Variants in FREM1 observed in about 807,000 individuals in gnomAD.
FREM1 encodes the protein FRAS1-related extracellular matrix protein 1.
FREM1 carries 220 observed loss-of-function variants against 210.1 expected under a neutral mutation model. The ratio of observed to expected loss-of-function variants is 1.05; its 90% CI spans 0.94 to 1.17. The LOEUF (loss-of-function observed/expected upper bound fraction) is 1.17. FREM1 is among the 50% of genes most tolerant of loss of function. The pLI, the probability that FREM1 is intolerant of heterozygous loss-of-function variation, is 0.00. For missense variants in FREM1, 3,454 were observed against 2,675.5 expected (o/e 1.29, Z -6.42); for synonymous variants, 1,189 against 980.2 (o/e 1.21, Z -3.98).
intron 1 of FREM1, among the ~76,000 whole-genome samples, chr9:14,905,945 G>A (rs969313563): frequency 6.6e-6 from 1 of 152,104 alleles, no homozygotes; most frequent in Non-Finnish European, 1.5e-5. Context: ...CTGCTGATCA[G>A]AGTTAAAGGC....
chr9:14,747,112 T>A (rs1476258207), intron 33 of FREM1, 61 bp from the exon 34 acceptor site: 9 of 1,607,174 alleles, frequency 5.6e-6, no homozygotes, highest in Non-Finnish European at 7.7e-6. Flanking sequence ...TGCTCACACA[T>A]TCACCTCCTT....
intron 1 of FREM1, among the ~76,000 whole-genome samples, chr9:14,898,591 A>T (rs1243713500): frequency 6.6e-6 from 1 of 152,114 alleles, no homozygotes; most frequent in Non-Finnish European, 1.5e-5. Flanking sequence ...AAAATACAAA[A>T]ATCAGCCAGG....
chr9:14,759,851 A>C lies in FREM1; in HGVS notation c.5255T>G (p.Val1752Gly), dbSNP rs775252382. The C allele has an allele frequency of 6.2e-7, 1 of 1,612,618 alleles. No homozygotes were observed. The highest frequency in any genetic ancestry group is 8.5e-7 in the Non-Finnish European group (1 of 1,178,924). Residue 1752 changes from valine to glycine, a missense_variant, in exon 28 of 37, where the codon GTC becomes GGC. Transcript: ENST00000380880. ...GGGCAACAAACCCACATTCTCACAG[A>C]CTTCATATTCGGTCTGTGACCATTC... ...HIEWSQTEYE[V>G]CENVGLLPLE... is the part of the protein sequence containing the mutation.
At chr9:14,779,487 A>G (rs1363051822) in intron 24 of FREM1, 10 of 985,374 alleles carry the variant, frequency 1.0e-5, no homozygotes, top group Non-Finnish European at 1.2e-5. Context: ...ACTCCATCAG[A>G]GGCGGCCATC....
chr9:14,851,188 A>G (rs976830742), intron 6 of FREM1, 96 bp downstream of exon 6: 12 of 852,754 alleles, frequency 1.4e-5, no homozygotes, highest in Non-Finnish European at 2.2e-5. Flanking sequence ...TTCTGAGGCA[A>G]TGAATGTACA....
Position 14,846,039 on chromosome 9 carries a change from C to T in FREM1, c.1314G>A (p.Gln438=). The change falls in exon 8 of 37, where the codon CAG becomes CAA. Residue 438 remains glutamine (Q), a synonymous_variant. Transcript: ENST00000380880. ...CACCAATGTCGTCATTGTCGACAAC[C>T]TGAAACTGTTCCCAAGTGATGGCTC... ...QSRAITWEQF[Q]VVDNDDIGAV... is the part of the protein sequence containing the mutation. The T allele has an allele frequency of 6.2e-7, 1 of 1,606,616 alleles. No individual in the cohort carries two copies. Among genetic ancestry groups the T allele is most frequent in the Non-Finnish European group, 8.5e-7 (1 of 1,176,052 alleles).
At position 14,775,960 on chromosome 9, in the gene FREM1, T is replaced by C. The variant is rs888385641; in HGVS notation, c.4686A>G (p.Leu1562=). ...CCTGCTGGGTGAAATTGTGTTGAAGTAGCCCTGTCCCCCACAGGTAGAGCT... is the reference window on the plus strand; with the variant it reads ...CCTGCTGGGTGAAATTGTGTTGAAGCAGCCCTGTCCCCCACAGGTAGAGCT... The part of the protein sequence containing the change: ...HGQLYLWGTG[L]LQHNFTQQDV... Residue 1562 remains leucine, a synonymous_variant, in exon 25 of 37, where the codon CTA becomes CTG. Transcript: ENST00000380880. 2.5e-6 allele frequency: 4 copies of C among 1,613,860 alleles called. No homozygotes were observed. Among genetic ancestry groups the C allele is most frequent in the Non-Finnish European group, 3.4e-6 (4 of 1,179,894 alleles).
intron 22 of FREM1, among the ~76,000 whole-genome samples, chr9:14,791,309 T>G (rs114886942): frequency 6.6e-6 from 1 of 152,308 alleles, no homozygotes; most frequent in African/African-American, 2.4e-5. Context: ...GCTATTGAGT[T>G]AGCAGTAAAA....
At chr9:14,815,500 G>A (rs1046052679) in intron 15 of FREM1, among the ~76,000 whole-genome samples, 1 of 152,096 alleles carries the variant, frequency 6.6e-6, no homozygotes, top group Non-Finnish European at 1.5e-5. Flanking sequence ...AATAATTAGT[G>A]GCTCTTCAGG....
At chr9:14,907,334 G>C (rs115157524) in intron 1 of FREM1, among the ~76,000 whole-genome samples, 2,102 of 152,308 alleles carry the variant, frequency 0.014, 50 homozygotes, top group African/African-American at 0.046. Flanking sequence ...ATATAGTATA[G>C]ACAGTATTTC....
At chr9:14,822,606 T>C (rs1360186198) in intron 13 of FREM1, among the ~76,000 whole-genome samples, 3 of 152,206 alleles carry the variant, frequency 2.0e-5, no homozygotes, top group Non-Finnish European at 4.4e-5. Context: ...ATACTCTCAA[T>C]GCAAATCCCA....
At position 14,792,783 on chromosome 9, in the gene FREM1, A is replaced by G; in HGVS notation, c.3941T>C (p.Val1314Ala). 6.2e-7 allele frequency: 1 copy of G among 1,605,634 alleles called. No individual in the cohort carries two copies. Among genetic ancestry groups the G allele is most frequent in the South Asian group, 1.1e-5 (1 of 88,194 alleles). Reference sequence around the variant, plus strand: ...CCCATTTTGGGGAAGCCTTTCAAATACATAGTAAATCTTCTCCCTGGGTGA... The same window carrying G: ...CCCATTTTGGGGAAGCCTTTCAAATGCATAGTAAATCTTCTCCCTGGGTGA... ...EDSPREKIYY[V>A]FERLPQNGQL... The change falls in exon 22 of 37, where the codon GTA becomes GCA. Residue 1314 changes from valine (V) to alanine (A), a missense_variant. Physicochemically the swap from Val to Ala is moderately conservative, Grantham distance 64. Transcript: ENST00000380880.
At chr9:14,830,486 A>G (rs1823348723) in intron 10 of FREM1, among the ~76,000 whole-genome samples, 1 of 152,196 alleles carries the variant, frequency 6.6e-6, no homozygotes, top group Non-Finnish European at 1.5e-5. Context: ...TTATTTCTCA[A>G]TGGAGTTTGT....
intron 1 of FREM1, among the ~76,000 whole-genome samples, chr9:14,869,715 G>A (rs1005460533): frequency 2.0e-5 from 3 of 152,242 alleles, no homozygotes; most frequent in African/African-American, 7.2e-5. Context: ...TAAGAAAGAA[G>A]TTTAATGATT....
At chr9:14,871,152 T>C (rs1832600926) in intron 1 of FREM1, among the ~76,000 whole-genome samples, 1 of 152,194 alleles carries the variant, frequency 6.6e-6, no homozygotes, top group South Asian at 2.1e-4. Context: ...TGATTTATAG[T>C]TCTTTGGGTA....
intron 1 of FREM1, among the ~76,000 whole-genome samples, chr9:14,884,157 A>G (rs1835340585): frequency 6.6e-6 from 1 of 152,168 alleles, no homozygotes; most frequent in South Asian, 2.1e-4. Context: ...TGAACTTGGG[A>G]GGCGGAGGTT....
At chr9:14,774,333 TAAGAG>T (rs1183735861) in intron 25 of FREM1, among the ~76,000 whole-genome samples, 3 of 152,144 alleles carry the variant, frequency 2.0e-5, no homozygotes, top group African/African-American at 7.2e-5. Flanking sequence ...TTGTAGGCTT[TAAGAG>T]AAAAGACTGA....
Position 14,770,824 on chromosome 9 carries a change from A to C in FREM1, c.4858-18T>G, listed in dbSNP as rs1435880764. 21 of 1,593,716 alleles carry C rather than the reference A, an allele frequency of 1.3e-5. No homozygotes were observed. Among genetic ancestry groups the C allele is most frequent in the Admixed American group, 1.7e-5 (1 of 58,554 alleles). ...TGGTCTACCTGGATCATCAACAATG[A>C]CATAAAATGTTGTCCAAAGGCCCCT... On this transcript the variant is annotated intron_variant, in intron 25 of 36. Transcript: ENST00000380880.
At chr9:14,795,321 T>C (rs1054608769) in intron 21 of FREM1, among the ~76,000 whole-genome samples, 2 of 152,224 alleles carry the variant, frequency 1.3e-5, no homozygotes, top group Non-Finnish European at 2.9e-5. Context: ...TTAAACAACA[T>C]GTTCAAGATC....
Sources: gnomAD v4.1 joint callset for allele counts (sites outside exome capture counted in the v4.1 genomes callset) on GRCh38, gnomAD v4.1.1 for gene constraint, MANE v1.5 for transcripts, NCBI Gene and HGNC (gene_info 2026-07-23, HGNC 2026-07-21) for gene names.